TEX26: variants seen among roughly 807,000 people sequenced by gnomAD.
TEX26 encodes the protein testis-expressed protein 26.
Under a neutral mutation model 35.3 loss-of-function variants are expected in TEX26, and 34 were observed. The ratio of observed to expected loss-of-function variants is 0.96; its 90% CI spans 0.73 to 1.28. TEX26 has a LOEUF of 1.28. Among genes scored for constraint, TEX26 ranks in the 50% most tolerant of loss-of-function variants. The pLI is 0.00. For missense variants in TEX26, 371 were observed against 330.1 expected (o/e 1.12, Z -0.96); for synonymous variants, 136 against 111.8 (o/e 1.22, Z -1.36).
chr13:30,944,977 T>C (rs1038570695), intron 2 of TEX26, among the ~76,000 whole-genome samples: 11 of 152,064 alleles, frequency 7.2e-5, no homozygotes, highest in African/African-American at 2.7e-4. Flanking sequence ...TAGAGTGTAG[T>C]TTAAGTCCAT....
chr13:30,958,946 C>T (rs1954236321), intron 4 of TEX26, among the ~76,000 whole-genome samples: 1 of 152,164 alleles, frequency 6.6e-6, no homozygotes, highest in African/African-American at 2.4e-5. Flanking sequence ...ATTTTCACAA[C>T]CTGTGAAGTT....
intron 4 of TEX26, among the ~76,000 whole-genome samples, chr13:30,958,859 C>T (rs1954232336): frequency 6.6e-6 from 1 of 152,236 alleles, no homozygotes; most frequent in Non-Finnish European, 1.5e-5. Context: ...CTTTTAGCTA[C>T]TGTTCATTTC....
intron 1 of TEX26, among the ~76,000 whole-genome samples, chr13:30,937,901 T>G (rs553648421): frequency 1.3e-5 from 2 of 152,296 alleles, no homozygotes; most frequent in East Asian, 3.9e-4. Flanking sequence ...GATGAGGAGA[T>G]GAACATTAAG....
chr13:30,936,465 C>A (rs1356811449), intron 1 of TEX26, among the ~76,000 whole-genome samples: 1 of 152,192 alleles, frequency 6.6e-6, no homozygotes, highest in Non-Finnish European at 1.5e-5. Flanking sequence ...CTCTTTCAAA[C>A]ATCTACTAAA....
chr13:30,974,275 A>G (rs1225632770), intron 6 of TEX26, among the ~76,000 whole-genome samples: 2 of 151,760 alleles, frequency 1.3e-5, no homozygotes, highest in Admixed American at 6.6e-5. Context: ...AACAGTTACC[A>G]TTCAAGGACT....
At chr13:30,932,919 G>A in intron 1 of TEX26, 143 bp downstream of exon 1, 1 of 874,710 alleles carries the variant, frequency 1.1e-6, no homozygotes, top group Middle Eastern at 2.3e-4. Context: ...AAGACGGGGA[G>A]TCAGGGAGAA....
intron 4 of TEX26, among the ~76,000 whole-genome samples, chr13:30,962,989 A>ATTT (rs540943274): frequency 0.058 from 8,417 of 144,426 alleles, 807 homozygotes; most frequent in African/African-American, 0.2. Flanking sequence ...TGCCCAGCTA[A>ATTT]TTTTTTTTTT....
In TEX26 at chr13:30,974,905, T is replaced by G. The variant is rs1328321453; in HGVS notation, c.868T>G (p.Ter290GlyextTer11). Residue 290 changes from the stop codon to glycine (G), a stop_lost, in exon 7 of 7, where the codon TGA becomes GGA. Transcript: ENST00000380473. ...CTGTGACACTAACAAAAAGAAGAAA[T>G]GAAAAGGGAAAATAGTACAAATGAA... is the stretch of plus-strand genomic sequence containing the variant. ...THCDTNKKKK[*>G] The G allele has an allele frequency of 6.4e-7, 1 of 1,559,558 alleles. No homozygotes were observed. The highest frequency in any genetic ancestry group is 2.4e-5 in the East Asian group (1 of 41,984).
chr13:30,966,211 T>G lies in TEX26; in HGVS notation c.470-11T>G. On this transcript the variant is annotated splice_polypyrimidine_tract_variant and intron_variant, in intron 4 of 6. Coordinates refer to ENST00000380473, the MANE Select transcript of TEX26 (RefSeq NM_152325.3). ...GAGTAAGTATTGCCTTCCATTTCCA[T>G]TCCACCCCAGCTCAGAAGATTAAGA... 1 of 1,613,798 alleles carries G rather than the reference T, an allele frequency of 6.2e-7. No homozygotes were observed. Among genetic ancestry groups the G allele is most frequent in the Non-Finnish European group, 8.5e-7 (1 of 1,179,894 alleles).
intron 4 of TEX26, among the ~76,000 whole-genome samples, chr13:30,960,295 T>C (rs1005756829): frequency 3.3e-5 from 5 of 152,164 alleles, no homozygotes; most frequent in East Asian, 1.9e-4. Flanking sequence ...CAGGCTGGAG[T>C]GCAGTTGTGT....
intron 5 of TEX26, among the ~76,000 whole-genome samples, chr13:30,967,941 A>T (rs973836329): frequency 1.3e-5 from 2 of 152,190 alleles, no homozygotes; most frequent in African/African-American, 4.8e-5. Flanking sequence ...CCTGGAAGGA[A>T]GTCCCTTACT....
intron 3 of TEX26, among the ~76,000 whole-genome samples, chr13:30,953,849 T>A (rs1361661569): frequency 1.3e-5 from 2 of 152,194 alleles, no homozygotes; most frequent in Admixed American, 6.5e-5. Context: ...CCACATGGGA[T>A]GGGACAACCT....
At chr13:30,942,022 T>TGCC (rs1251682643) in intron 2 of TEX26, among the ~76,000 whole-genome samples, 2 of 152,192 alleles carry the variant, frequency 1.3e-5, no homozygotes, top group African/African-American at 4.8e-5. Context: ...TTTGGGTAGA[T>TGCC]ACCTAGTGGT....
intron 5 of TEX26, among the ~76,000 whole-genome samples, chr13:30,967,908 C>T (rs544211787): frequency 6.6e-6 from 1 of 152,310 alleles, no homozygotes; most frequent in South Asian, 2.1e-4. Flanking sequence ...CTTCTAAAAT[C>T]CTCATCCGAA....
chr13:30,953,463 G>A lies in TEX26; in HGVS notation c.312+638G>A, dbSNP rs569388349. On this transcript the variant is annotated intron_variant, in intron 3 of 6. Coordinates refer to ENST00000380473, the MANE Select transcript of TEX26 (RefSeq NM_152325.3). ...TCACAGTTGAATAATATTCTCTTCC[G>A]CGGATAAACCACAGTTTGTCTGTGT... is the stretch of plus-strand genomic sequence containing the variant. Among the ~76,000 whole-genome samples the A allele has an allele frequency of 8.5e-5, 13 of 152,246 alleles. No homozygotes were observed. The East Asian group carries it at 9.6e-4, about 11-fold the overall frequency.
At chr13:30,957,053 T>C (rs1954166160) in intron 4 of TEX26, 24 bp downstream of exon 4, 1 of 1,609,358 alleles carries the variant, frequency 6.2e-7, no homozygotes, top group Admixed American at 1.7e-5. Context: ...TTTTTCTTTT[T>C]TTCCTGGGTC....
At chr13:30,946,955 C>T (rs1953732629) in intron 2 of TEX26, among the ~76,000 whole-genome samples, 1 of 152,104 alleles carries the variant, frequency 6.6e-6, no homozygotes, top group Non-Finnish European at 1.5e-5. Context: ...TCTTCTTGAA[C>T]TCTCATTCCC....
chr13:30,954,730 T>C (rs893673666), intron 3 of TEX26, among the ~76,000 whole-genome samples: 12 of 152,306 alleles, frequency 7.9e-5, no homozygotes, highest in African/African-American at 2.4e-4. Context: ...AGCCCTGGGA[T>C]TACAGCCGTG....
intron 4 of TEX26, among the ~76,000 whole-genome samples, chr13:30,965,208 C>T (rs1408764645): frequency 6.6e-6 from 1 of 152,154 alleles, no homozygotes; most frequent in Non-Finnish European, 1.5e-5. Flanking sequence ...ATCCTCTCCT[C>T]CTCTGCTGGT....
Sources: gnomAD v4.1 joint callset for allele counts (sites outside exome capture counted in the v4.1 genomes callset) on GRCh38, gnomAD v4.1.1 for gene constraint, MANE v1.5 for transcripts, NCBI Gene and HGNC (gene_info 2026-07-23, HGNC 2026-07-21) for gene names.